The following CCSER1 variants were observed in gnomAD, a reference collection of about 807,000 sequenced individuals.
CCSER1 encodes the protein coiled-coil serine rich protein 1, also known as serine-rich coiled-coil domain-containing protein 1.
A neutral mutation model predicts 82.0 loss-of-function variants in CCSER1; 41 were observed. The observed-to-expected ratio is 0.50, with a 90% CI of 0.39 to 0.65. The LOEUF (loss-of-function observed/expected upper bound fraction) is 0.65, where lower values mean the gene tolerates loss of function less well. Among genes scored for constraint, CCSER1 ranks in the 30% least tolerant of loss-of-function variants. The pLI, the probability that CCSER1 is intolerant of heterozygous loss-of-function variation, is 0.00. For synonymous variants in CCSER1, 414 were observed against 383.9 expected, an observed-to-expected ratio of 1.08 and a Z score of -0.92; for missense variants, 1,119 against 1,064.2, an observed-to-expected ratio of 1.05 and a Z score of -0.72.
chr4:90,661,557 GA>G (rs1197141396), intron 6 of CCSER1, among the ~76,000 whole-genome samples: 2 of 152,174 alleles, frequency 1.3e-5, no homozygotes, highest in Non-Finnish European at 2.9e-5. Context: ...AATATGCAGC[GA>G]AATGTTTAAC....
chr4:91,333,205 A>C (rs986984368), intron 10 of CCSER1, among the ~76,000 whole-genome samples: 1 of 152,020 alleles, frequency 6.6e-6, no homozygotes, highest in Non-Finnish European at 1.5e-5. Context: ...CCTGAAAAAA[A>C]AGAATTCTGA....
At chr4:90,610,295 A>ATAAATAAAATGTGAT (rs1785293708) in intron 5 of CCSER1, among the ~76,000 whole-genome samples, 1 of 150,698 alleles carries the variant, frequency 6.6e-6, no homozygotes, top group Non-Finnish European at 1.5e-5. Flanking sequence ...AAATAAATAA[A>ATAAATAAAATGTGAT]TAAATAAAAT....
chr4:91,191,398 T>C (rs1342539708), intron 10 of CCSER1, among the ~76,000 whole-genome samples: 1 of 152,208 alleles, frequency 6.6e-6, no homozygotes, highest in African/African-American at 2.4e-5. Flanking sequence ...GGATGAATAT[T>C]GAACATGTGT....
intron 3 of CCSER1, among the ~76,000 whole-genome samples, chr4:90,377,628 G>C (rs1352472314): frequency 6.6e-6 from 1 of 152,016 alleles, no homozygotes; most frequent in Non-Finnish European, 1.5e-5. Flanking sequence ...AAAATAACCA[G>C]AGAATACATG....
chr4:90,508,457 G>A (rs374093117), intron 5 of CCSER1, among the ~76,000 whole-genome samples: 5 of 151,476 alleles, frequency 3.3e-5, no homozygotes, highest in Admixed American at 6.6e-5. Flanking sequence ...TTTCTTCCCC[G>A]CTACATTTGG....
intron 6 of CCSER1, among the ~76,000 whole-genome samples, chr4:90,718,802 G>GT (rs1742147957): frequency 6.6e-6 from 1 of 152,088 alleles, no homozygotes; most frequent in Non-Finnish European, 1.5e-5. Flanking sequence ...TTGGGGAATA[G>GT]TTTTATATTT....
At chr4:91,314,143 C>A (rs1396013686) in intron 10 of CCSER1, among the ~76,000 whole-genome samples, 2 of 151,950 alleles carry the variant, frequency 1.3e-5, no homozygotes, top group East Asian at 3.9e-4. Flanking sequence ...TTGAGAATGG[C>A]ACATGTACAT....
intron 10 of CCSER1, among the ~76,000 whole-genome samples, chr4:91,590,462 A>ACAGATTCCACGTCTAAGGCTACAAAC (rs1305687773): frequency 6.6e-6 from 1 of 152,104 alleles, no homozygotes; most frequent in East Asian, 1.9e-4. Context: ...ATCACTGAAA[A>ACAGATTCCACGTCTAAGGCTACAAAC]CAGATTCCAC....
intron 9 of CCSER1, among the ~76,000 whole-genome samples, chr4:91,036,802 G>C (rs1319129861): frequency 6.6e-6 from 1 of 152,130 alleles, no homozygotes; most frequent in Non-Finnish European, 1.5e-5. Context: ...AAATAGGTCA[G>C]GTGCAATGGC....
chr4:91,540,316 C>A (rs1348334058), intron 10 of CCSER1, among the ~76,000 whole-genome samples: 1 of 152,036 alleles, frequency 6.6e-6, no homozygotes, highest in African/African-American at 2.4e-5. Flanking sequence ...ATGTACAGTG[C>A]AAAGTATTCA....
intron 1 of CCSER1, among the ~76,000 whole-genome samples, chr4:90,302,414 T>C (rs2153474634): frequency 6.6e-6 from 1 of 152,164 alleles, no homozygotes; most frequent in Non-Finnish European, 1.5e-5. Flanking sequence ...AATGTTATAA[T>C]AGTAGGAGGC....
intron 1 of CCSER1, among the ~76,000 whole-genome samples, chr4:90,291,731 C>T (rs189496508): frequency 2.6e-5 from 4 of 151,788 alleles, no homozygotes; most frequent in Admixed American, 2.6e-4. Flanking sequence ...CTTTTAAAGT[C>T]AAAGAACAAT....
intron 10 of CCSER1, among the ~76,000 whole-genome samples, chr4:91,182,342 C>T (rs562055829): frequency 2.4e-4 from 36 of 152,298 alleles, no homozygotes; most frequent in Non-Finnish European, 4.0e-4. Flanking sequence ...ATTTTGTTAA[C>T]GGATCTCTCC....
intron 10 of CCSER1, among the ~76,000 whole-genome samples, chr4:91,287,720 T>A (rs778385214): frequency 9.9e-5 from 15 of 151,884 alleles, no homozygotes; most frequent in Admixed American, 3.3e-4. Context: ...GAAGGTAGGC[T>A]TCAGTCAGAG....
rs906865736 is a variant in CCSER1, at chr4:90,187,501, C to G, written c.-42+59670C>G. Among the ~76,000 whole-genome samples the G allele has an allele frequency of 2.0e-5, 3 of 151,542 alleles. 1 individual carries two copies. Among genetic ancestry groups the G allele is most frequent in the African/African-American group, 7.3e-5 (3 of 41,374 alleles). ...ACTCATAAACATATCCTGGCACCAT[C>G]GAACCATGACATTCTCTAATTGGCT... On this transcript the variant is annotated intron_variant, in intron 1 of 10. Coordinates refer to ENST00000509176, the MANE Select transcript of CCSER1 (RefSeq NM_001145065.2).
chr4:90,178,001 T>C (rs1242622452), intron 1 of CCSER1, among the ~76,000 whole-genome samples: 1 of 152,090 alleles, frequency 6.6e-6, no homozygotes, highest in African/African-American at 2.4e-5. Flanking sequence ...AACCAGAAAG[T>C]ATATTGGAAA....
At chr4:90,325,923 CTT>C (rs1237174100) in intron 3 of CCSER1, among the ~76,000 whole-genome samples, 1 of 152,046 alleles carries the variant, frequency 6.6e-6, no homozygotes, top group African/African-American at 2.4e-5. Flanking sequence ...TATTCATACT[CTT>C]TTTAAGTAAT....
chr4:90,927,211 A>G (rs1729174728), intron 9 of CCSER1, among the ~76,000 whole-genome samples: 1 of 151,982 alleles, frequency 6.6e-6, no homozygotes, highest in South Asian at 2.1e-4. Context: ...TTCTTTTCAG[A>G]TAATGCCTGA....
chr4:91,102,498 A>G (rs1461693974), intron 10 of CCSER1, among the ~76,000 whole-genome samples: 3 of 152,194 alleles, frequency 2.0e-5, no homozygotes, highest in Non-Finnish European at 4.4e-5. Context: ...GGATTTTACA[A>G]AGAGATGAGG....
Sources: gnomAD v4.1 joint callset for allele counts (sites outside exome capture counted in the v4.1 genomes callset) on GRCh38, gnomAD v4.1.1 for gene constraint, MANE v1.5 for transcripts, NCBI Gene and HGNC (gene_info 2026-07-23, HGNC 2026-07-21) for gene names.